NRG1: variants seen among roughly 807,000 people sequenced by gnomAD.
The protein encoded by NRG1 is pro-neuregulin-1, membrane-bound isoform.
Under a neutral mutation model 63.8 loss-of-function variants are expected in NRG1, and 18 were observed. That is an observed-to-expected ratio of 0.28 (90% CI 0.19 to 0.42). NRG1 has a LOEUF of 0.42. Among genes scored for constraint, NRG1 ranks in the 10% least tolerant of loss-of-function variants. The pLI is 1.00. For missense variants in NRG1, 762 were observed against 814.7 expected, an observed-to-expected ratio of 0.94 and a Z score of 0.79; for synonymous variants, 302 against 301.3, an observed-to-expected ratio of 1.00 and a Z score of -0.02.
intron 1 of NRG1, among the ~76,000 whole-genome samples, chr8:31,702,538 T>G (rs1247884239): frequency 6.6e-6 from 1 of 152,078 alleles, no homozygotes. Flanking sequence ...TTAATTGTTA[T>G]TTTCAATCAT....
chr8:31,937,272 G>C (rs1801052392), intron 1 of NRG1, among the ~76,000 whole-genome samples: 1 of 152,090 alleles, frequency 6.6e-6, no homozygotes, highest in Admixed American at 6.5e-5. Flanking sequence ...TTGCTCTTTT[G>C]GTTGAATTAA....
At position 31,640,479 on chromosome 8, in the gene NRG1, C is replaced by G. The variant is rs758101995; in HGVS notation, c.37+1048C>G. ...AGGCGCCCTATCTGGTGAAGGTGCA[C>G]CAGGTGTGGGCGGTGAAAGCCGGGG... is the stretch of plus-strand genomic sequence containing the variant. On this transcript the variant is annotated intron_variant, in intron 1 of 10. Coordinates refer to the NRG1 transcript ENST00000519301. The surrounding 1 kb of genome is among the most constrained non-coding windows in gnomAD (Gnocchi z 6.3). 1.9e-6 allele frequency: 3 copies of G among 1,604,394 alleles called. No individual in the cohort carries two copies. Among genetic ancestry groups the G allele is most frequent in the Non-Finnish European group, 2.5e-6 (3 of 1,176,578 alleles).
At chr8:32,048,764 CT>C (rs1053633486) in intron 1 of NRG1, among the ~76,000 whole-genome samples, 2 of 151,708 alleles carry the variant, frequency 1.3e-5, no homozygotes, top group African/African-American at 4.8e-5. Flanking sequence ...ACTTGTATGT[CT>C]TTTTTTGAGA....
chr8:31,838,935 C>T (rs931517275), intron 1 of NRG1, among the ~76,000 whole-genome samples: 1 of 152,072 alleles, frequency 6.6e-6, no homozygotes, highest in African/African-American at 2.4e-5. Flanking sequence ...ACTAGTTAAA[C>T]TAGAGTAGAA....
chr8:31,824,752 A>C (rs1824368874), intron 1 of NRG1, among the ~76,000 whole-genome samples: 1 of 152,246 alleles, frequency 6.6e-6, no homozygotes, highest in African/African-American at 2.4e-5. Context: ...AAAGCGTACC[A>C]CTTCCAAAAT....
At chr8:32,412,987 G>A (rs1388881404) in intron 1 of NRG1, among the ~76,000 whole-genome samples, 5 of 152,072 alleles carry the variant, frequency 3.3e-5, no homozygotes, top group South Asian at 2.1e-4. Context: ...TAAGTTCCTC[G>A]CCCAAAGCTA....
At chr8:32,024,411 C>T (rs1174019660) in intron 1 of NRG1, among the ~76,000 whole-genome samples, 1 of 152,130 alleles carries the variant, frequency 6.6e-6, no homozygotes, top group East Asian at 1.9e-4. Flanking sequence ...CAAAGGGGAG[C>T]GGAAGGGCAG....
intron 1 of NRG1, among the ~76,000 whole-genome samples, chr8:32,517,039 T>C (rs1829889478): frequency 6.6e-6 from 1 of 152,124 alleles, no homozygotes; most frequent in African/African-American, 2.4e-5. Context: ...TAAGTAAAAA[T>C]GAGTAATTTT....
chr8:32,085,435 AC>A (rs934431820), intron 1 of NRG1, among the ~76,000 whole-genome samples: 1 of 152,204 alleles, frequency 6.6e-6, no homozygotes, highest in African/African-American at 2.4e-5. Context: ...TTTTAATTAC[AC>A]CGTTTGATGG....
chr8:32,663,313 T>G (rs1803331276), intron 5 of NRG1, among the ~76,000 whole-genome samples: 1 of 152,146 alleles, frequency 6.6e-6, no homozygotes, highest in African/African-American at 2.4e-5. Flanking sequence ...TTTCCTCTCT[T>G]TCCTCTAGGC....
At chr8:31,939,131 G>A (rs911205239) in intron 1 of NRG1, among the ~76,000 whole-genome samples, 10 of 152,122 alleles carry the variant, frequency 6.6e-5, no homozygotes, top group African/African-American at 2.4e-4. Context: ...CTAAAGTCAA[G>A]ATGAAGGAAA....
At chr8:32,575,514 T>A (rs1322610466) in intron 1 of NRG1, among the ~76,000 whole-genome samples, 2 of 152,064 alleles carry the variant, frequency 1.3e-5, no homozygotes, top group Non-Finnish European at 2.9e-5. Context: ...GGAAAAGTTG[T>A]ATTTTAGGAC....
At chr8:32,214,344 G>T (rs1017840765) in intron 1 of NRG1, among the ~76,000 whole-genome samples, 1 of 152,122 alleles carries the variant, frequency 6.6e-6, no homozygotes, top group Non-Finnish European at 1.5e-5. Flanking sequence ...TTTCAACAAA[G>T]TTGGAAACAA....
chr8:32,533,385 AT>A (rs1831650035), intron 1 of NRG1, among the ~76,000 whole-genome samples: 1 of 151,942 alleles, frequency 6.6e-6, no homozygotes, highest in African/African-American at 2.4e-5. Flanking sequence ...AATACCTTAA[AT>A]TTTTTTAGGC....
At chr8:32,047,411 GT>G in intron 1 of NRG1, among the ~76,000 whole-genome samples, 1 of 151,966 alleles carries the variant, frequency 6.6e-6, no homozygotes, top group South Asian at 2.1e-4. Context: ...AAGAAATATG[GT>G]TGAAAGGAGA....
chr8:32,431,742 T>G (rs1271744466), intron 1 of NRG1, among the ~76,000 whole-genome samples: 1 of 152,092 alleles, frequency 6.6e-6, no homozygotes, highest in Non-Finnish European at 1.5e-5. Flanking sequence ...TCTCAGGGTT[T>G]TTTTTTTCTG....
At chr8:32,143,824 A>AATATGTACATGT (rs1432606388) in intron 1 of NRG1, among the ~76,000 whole-genome samples, 1 of 152,186 alleles carries the variant, frequency 6.6e-6, no homozygotes, top group African/African-American at 2.4e-5. Flanking sequence ...GCTACCAGAA[A>AATATGTACATGT]ATATGTACAT....
chr8:32,240,424 T>C (rs1312492370), intron 1 of NRG1, among the ~76,000 whole-genome samples: 4 of 152,092 alleles, frequency 2.6e-5, no homozygotes, highest in Admixed American at 2.0e-4. Flanking sequence ...GGGAGGTGTG[T>C]GTGTCCATAA....
intron 1 of NRG1, among the ~76,000 whole-genome samples, chr8:32,501,017 C>T (rs1827793854): frequency 2.0e-5 from 3 of 152,170 alleles, no homozygotes; most frequent in African/African-American, 7.2e-5. Context: ...GCCTGTACTC[C>T]AGAGTACCTG....
Sources: allele counts gnomAD v4.1 joint callset (sites outside exome capture counted in the v4.1 genomes callset), GRCh38; gene constraint gnomAD v4.1.1; non-coding constraint Gnocchi (gnomAD v3.1); transcripts MANE v1.5; gene names NCBI Gene and HGNC (gene_info 2026-07-23, HGNC 2026-07-21).